Variants in SYN3 observed in about 807,000 individuals in gnomAD.
SYN3 encodes the protein synapsin-3.
A neutral mutation model predicts 65.8 loss-of-function variants in SYN3; 35 were observed. The observed-to-expected ratio is 0.53, with a 90% CI of 0.41 to 0.70. SYN3 has a LOEUF of 0.70. Among genes scored for constraint, SYN3 ranks in the 30% least tolerant of loss-of-function variants. SYN3 has a pLI of 0.00. For synonymous variants in SYN3, 270 were observed against 292.9 expected (o/e 0.92, Z 0.80); for missense variants, 680 against 749.0 (o/e 0.91, Z 1.08).
intron 1 of SYN3, chr22:33,015,283 A>AT: frequency 1.7e-6 from 1 of 601,168 alleles, no homozygotes; most frequent in Non-Finnish European, 2.6e-6. Flanking sequence ...GGAGCAGACT[A>AT]TTTTAAACGG....
rs539777869 is a variant in SYN3, at chr22:32,624,055, C to G, written c.712-27319G>C. On this transcript the variant is annotated intron_variant, in intron 6 of 13. Coordinates refer to ENST00000358763, the MANE Select transcript of SYN3 (RefSeq NM_003490.4). The stretch of plus-strand genomic sequence containing the variant: ...CCCTCTCCTTCTATGAGGCAATCCT[C>G]GGAGGCCCTTGCCAAGATCAACTGT... Among the ~76,000 whole-genome samples the G allele has an allele frequency of 5.6e-4, 85 of 152,360 alleles. No homozygotes were observed. The South Asian group carries it at 6.8e-3, about 12-fold the overall frequency.
At chr22:32,725,701 T>C (rs2061181243) in intron 6 of SYN3, among the ~76,000 whole-genome samples, 1 of 152,012 alleles carries the variant, frequency 6.6e-6, no homozygotes, top group African/African-American at 2.4e-5. Flanking sequence ...AGGAAACAGA[T>C]CCTCCCCTAG....
rs74872529 is a variant in SYN3, at chr22:32,900,412, C to T, written c.461+30978G>A. On this transcript the variant is annotated intron_variant, in intron 4 of 13. Transcript: ENST00000358763. ...ACAAACTTCTGTTCATTTTTTAAAA[C>T]CCATTGTAAATGTTATGGTCATTTG... 7.7e-3 allele frequency among the ~76,000 whole-genome samples: 1,174 copies of T among 152,274 alleles called. 7 individuals are homozygous for T. Among genetic ancestry groups the T allele is most frequent in the East Asian group, 0.025 (131 of 5,180 alleles).
intron 6 of SYN3, among the ~76,000 whole-genome samples, chr22:32,809,755 G>A (rs1256618721): frequency 6.6e-6 from 1 of 152,220 alleles, no homozygotes; most frequent in African/African-American, 2.4e-5. Context: ...AGCCTGGGAA[G>A]TTTTCTCATG....
intron 6 of SYN3, among the ~76,000 whole-genome samples, chr22:32,628,287 T>C (rs1569104972): frequency 1.3e-5 from 2 of 152,184 alleles, no homozygotes; most frequent in Admixed American, 6.5e-5. Context: ...TTAGTGTTTC[T>C]AGAAGCTTCC....
intron 6 of SYN3, among the ~76,000 whole-genome samples, chr22:32,694,202 T>C (rs2060705859): frequency 1.3e-5 from 2 of 152,172 alleles, no homozygotes; most frequent in Non-Finnish European, 2.9e-5. Context: ...GAAACACCTA[T>C]TTCTTGATTT....
At chr22:32,999,088 C>CCTTGTTCTTG (rs2052982325) in intron 2 of SYN3, among the ~76,000 whole-genome samples, 1 of 152,132 alleles carries the variant, frequency 6.6e-6, no homozygotes, top group African/African-American at 2.4e-5. Flanking sequence ...AAGAGACAGG[C>CCTTGTTCTTG]CTTGTTCTTG....
intron 6 of SYN3, among the ~76,000 whole-genome samples, chr22:32,598,978 T>G (rs556932091): frequency 2.7e-4 from 41 of 152,292 alleles, no homozygotes; most frequent in African/African-American, 9.1e-4. Context: ...TTGATTGATA[T>G]ATATATCAAT....
intron 3 of SYN3, among the ~76,000 whole-genome samples, chr22:32,949,504 T>C (rs572612475): frequency 1.3e-5 from 2 of 152,174 alleles, no homozygotes; most frequent in African/African-American, 4.8e-5. Flanking sequence ...CTGTTTGTAA[T>C]TAAACTCGTG....
At chr22:32,546,761 T>C (rs2058341445) in intron 7 of SYN3, among the ~76,000 whole-genome samples, 1 of 151,896 alleles carries the variant, frequency 6.6e-6, no homozygotes, top group African/African-American at 2.4e-5. Context: ...TGATTCAAGA[T>C]TACCCATTTG....
At chr22:32,887,363 G>A (rs943268737) in intron 4 of SYN3, among the ~76,000 whole-genome samples, 1 of 151,692 alleles carries the variant, frequency 6.6e-6, no homozygotes, top group African/African-American at 2.4e-5. Context: ...AGGCAACAGC[G>A]AGACCGTGTC....
At chr22:32,963,136 A>T (rs150220887) in intron 3 of SYN3, among the ~76,000 whole-genome samples, 2,714 of 149,788 alleles carry the variant, frequency 0.018, 83 homozygotes, top group African/African-American at 0.064. Context: ...GACAGCAGTG[A>T]TGCAATCTCG....
At chr22:32,715,922 G>A (rs915454310) in intron 6 of SYN3, among the ~76,000 whole-genome samples, 6 of 152,186 alleles carry the variant, frequency 3.9e-5, no homozygotes, top group African/African-American at 9.7e-5. Context: ...AGTACTCCAC[G>A]GAGGCTTTGA....
chr22:32,976,230 G>A (rs1238852915), intron 3 of SYN3, among the ~76,000 whole-genome samples: 1 of 152,182 alleles, frequency 6.6e-6, no homozygotes, highest in Non-Finnish European at 1.5e-5. Context: ...GGAGCAACTA[G>A]TATTCATATG....
At chr22:32,820,151 C>T (rs373623852) in intron 6 of SYN3, among the ~76,000 whole-genome samples, 4 of 152,108 alleles carry the variant, frequency 2.6e-5, no homozygotes, top group East Asian at 3.9e-4. Flanking sequence ...CTATTCAGGC[C>T]GTCTCTGAGG....
At chr22:32,715,472 T>C (rs1204898277) in intron 6 of SYN3, among the ~76,000 whole-genome samples, 1 of 152,198 alleles carries the variant, frequency 6.6e-6, no homozygotes, top group African/African-American at 2.4e-5. Context: ...TTCATCAGCA[T>C]GCTACCATTT....
intron 3 of SYN3, among the ~76,000 whole-genome samples, chr22:32,950,214 A>C (rs1032151475): frequency 6.6e-6 from 1 of 152,186 alleles, no homozygotes; most frequent in Non-Finnish European, 1.5e-5. Flanking sequence ...AGTTCACAGG[A>C]AAAAGTCAGC....
At chr22:32,906,488 T>C (rs2049906183) in intron 4 of SYN3, among the ~76,000 whole-genome samples, 1 of 152,144 alleles carries the variant, frequency 6.6e-6, no homozygotes, top group African/African-American at 2.4e-5. Flanking sequence ...AAATAGTAAA[T>C]ATATTAATAT....
intron 7 of SYN3, among the ~76,000 whole-genome samples, chr22:32,593,797 T>C (rs578212088): frequency 6.6e-6 from 1 of 152,210 alleles, no homozygotes; most frequent in East Asian, 1.9e-4. Flanking sequence ...CAGCTGAAGC[T>C]GAGGTAGCTG....
Sources: gnomAD v4.1 joint callset for allele counts (sites outside exome capture counted in the v4.1 genomes callset) on GRCh38, gnomAD v4.1.1 for gene constraint, MANE v1.5 for transcripts, NCBI Gene and HGNC (gene_info 2026-07-23, HGNC 2026-07-21) for gene names.